Variants in TMEM42 observed in about 807,000 individuals in gnomAD.
TMEM42 encodes the protein transmembrane protein 42.
TMEM42 carries 8 observed loss-of-function variants against 14.0 expected under a neutral mutation model. The observed-to-expected ratio is 0.57, with a 90% confidence interval of 0.34 to 1.03. TMEM42 has a LOEUF of 1.03. Ranked by LOEUF, TMEM42 falls within the 50% of genes least tolerant of loss-of-function variation. TMEM42 has a pLI of 0.03. For missense variants in TMEM42, 211 were observed against 219.8 expected (o/e 0.96, Z 0.25); for synonymous variants, 115 against 94.3 (o/e 1.22, Z -1.27).
intron 1 of TMEM42, chr3:44,862,607 G>A (rs987140463): frequency 6.6e-6 from 1 of 152,434 alleles, no homozygotes; most frequent in Non-Finnish European, 1.5e-5. Flanking sequence ...CCACTACCAG[G>A]AAAATTGGGA....
intron 1 of TMEM42, chr3:44,862,678 G>A (rs1340719365): frequency 6.6e-6 from 1 of 152,026 alleles, no homozygotes; most frequent in Non-Finnish European, 1.5e-5. Flanking sequence ...TTTTCCTGAC[G>A]CTGAGAACTC....
rs776834022 is a variant in TMEM42, at chr3:44,865,129, C to G, written c.429C>G (p.Ile143Met). ...VFLILCGLTL[I>M]HRKLPPTWKP... The stretch of plus-strand genomic sequence containing the variant: ...TTATTCTCTGCGGACTCACCCTAAT[C>G]CACAGGAAGCTCCCACCCACCTGGA... Residue 143 changes from isoleucine to methionine, a missense_variant, in exon 3 of 3, where the codon ATC becomes ATG. Physicochemically the swap from Ile to Met is conservative, Grantham distance 10. Coordinates refer to ENST00000302392, the MANE Select transcript of TMEM42 (RefSeq NM_144638.3). 4 of 1,614,012 alleles carry G rather than the reference C, an allele frequency of 2.5e-6. No homozygotes were observed. The highest frequency in any genetic ancestry group is 3.4e-6 in the Non-Finnish European group (4 of 1,180,024).
chr3:44,862,138 G>GTGC (rs771557887), intron 1 of TMEM42, 22 bp downstream of exon 1: 43 of 1,197,066 alleles, frequency 3.6e-5, no homozygotes, highest in Admixed American at 2.2e-4. Context: ...GGCGCTGTTG[G>GTGC]TGCTGCTGCT....
Position 44,861,922 on chromosome 3 carries a change from A to C in TMEM42, c.-3A>C. On this transcript the variant is annotated 5_prime_UTR_variant, in exon 1 of 3. Coordinates refer to ENST00000302392, the MANE Select transcript of TMEM42 (RefSeq NM_144638.3). ...GGTGCCAGGCACGGTGTCAGCAGGC[A>C]ACATGGCCGAGAGGCCGGGGCCTCC... 6.9e-7 allele frequency: 1 copy of C among 1,454,496 alleles called. No individual in the cohort carries two copies. The allele number at this position is 1,454,496 out of a possible 1,614,324, so 90.1% of individuals were successfully genotyped here. A position where few individuals can be genotyped will look rare whatever the true frequency, so the allele number is the denominator to read the frequency against.
chr3:44,864,958 T>G, intron 2 of TMEM42, 82 bp from the exon 3 acceptor site: 1 of 1,573,764 alleles, frequency 6.4e-7, no homozygotes, highest in Admixed American at 1.7e-5. Context: ...CCTGGCACCC[T>G]TAGAAGGAAG....
Position 44,862,020 on chromosome 3 carries a change from G to T in TMEM42, c.96G>T (p.Ala32=). The T allele has an allele frequency of 7.2e-7, 1 of 1,380,292 alleles. No individual in the cohort carries two copies. Among genetic ancestry groups the T allele is most frequent in the South Asian group, 1.7e-5 (1 of 58,822 alleles). 85.5% of individuals were successfully genotyped at this position (1,380,292 alleles called of 1,614,324 possible). A position where few individuals can be genotyped will look rare whatever the true frequency, so the allele number is the denominator to read the frequency against. ...AEFPPHLQAG[A]MRRRFWGVFN... ...TCCCTCCGCACCTCCAGGCGGGTGC[G>T]ATGCGGCGCCGCTTTTGGGGCGTAT... is the stretch of plus-strand genomic sequence containing the variant. The change falls in exon 1 of 3, where the codon GCG becomes GCT. Residue 32 remains alanine, a synonymous_variant. Transcript: ENST00000302392.
At chr3:44,862,613 T>G (rs559690039) in intron 1 of TMEM42, 1 of 152,276 alleles carries the variant, frequency 6.6e-6, no homozygotes, top group Non-Finnish European at 1.5e-5. Context: ...CCAGGAAAAT[T>G]GGGAGTTTGG....
intron 1 of TMEM42, chr3:44,863,980 A>C (rs548301576): frequency 1.8e-6 from 1 of 555,976 alleles, no homozygotes; most frequent in Non-Finnish European, 3.2e-6. Context: ...TGGCCAAATG[A>C]GTATCTTCTC....
At chr3:44,863,652 C>T (rs80214268) in intron 1 of TMEM42, 238 of 153,412 alleles carry the variant, frequency 1.6e-3, no homozygotes, top group Non-Finnish European at 2.9e-3. Context: ...AATGAGAATG[C>T]TTAAACACAG....
intron 1 of TMEM42, chr3:44,862,565 A>G (rs753742602): frequency 6.6e-6 from 1 of 152,536 alleles, no homozygotes; most frequent in Non-Finnish European, 1.5e-5. Flanking sequence ...CTCCGTAATT[A>G]ACGGGTGTTG....
At chr3:44,863,310 C>CT (rs893417553) in intron 1 of TMEM42, 3 of 117,436 alleles carry the variant, frequency 2.6e-5, no homozygotes, top group African/African-American at 5.7e-5. Context: ...ACCCCCCCCC[C>CT]CCGCCGCCTT....
At chr3:44,863,534 G>A (rs1395463571) in intron 1 of TMEM42, 2 of 152,260 alleles carry the variant, frequency 1.3e-5, no homozygotes, top group Admixed American at 1.3e-4. Context: ...TAAGAGCATG[G>A]AGGTACACTG....
Position 44,862,016 on chromosome 3 carries a change from G to A in TMEM42, c.92G>A (p.Gly31Asp), listed in dbSNP as rs1699258893. ...GAATTCCCTCCGCACCTCCAGGCGG[G>A]TGCGATGCGGCGCCGCTTTTGGGGC... ...PAEFPPHLQAGAMRRRFWGVF... is the reference protein window; with the variant it reads ...PAEFPPHLQADAMRRRFWGVF... Residue 31 changes from glycine (G) to aspartate (D), a missense_variant, in exon 1 of 3, where the codon GGT (glycine) becomes GAT (aspartate). Gly to Asp is a moderately conservative substitution (Grantham distance 94). Transcript: ENST00000302392. 2.9e-6 allele frequency: 4 copies of A among 1,380,934 alleles called. No homozygotes were observed. Among genetic ancestry groups the A allele is most frequent in the Non-Finnish European group, 3.8e-6 (4 of 1,064,842 alleles). 85.5% of individuals were successfully genotyped at this position (1,380,934 alleles called of 1,614,324 possible).
rs1484423935 is a variant in TMEM42 at position 44,865,379 on chromosome 3, G to C, written c.*199G>C. 4.3e-6 allele frequency: 3 copies of C among 690,082 alleles called. No individual in the cohort carries two copies. The highest frequency in any genetic ancestry group is 3.6e-5 in the African/African-American group (2 of 55,630). 42.7% of individuals were successfully genotyped at this position (690,082 alleles called of 1,614,324 possible). A position where few individuals can be genotyped will look rare whatever the true frequency, so the allele number is the denominator to read the frequency against. ...AGCAGTGTTCTACCGGAAGTGTTTT[G>C]ATCATCTGTACAGTGCTTTGGATTC... is the stretch of plus-strand genomic sequence containing the variant. On this transcript the variant is annotated 3_prime_UTR_variant, in exon 3 of 3. Coordinates refer to ENST00000302392, the MANE Select transcript of TMEM42 (RefSeq NM_144638.3).
chr3:44,863,291 A>C (rs1699279596), intron 1 of TMEM42: 1 of 93,522 alleles, frequency 1.1e-5, no homozygotes, highest in Non-Finnish European at 2.1e-5. Flanking sequence ...AAGTATATTT[A>C]GATTCCGCAC....
intron 2 of TMEM42, 59 bp downstream of exon 2, chr3:44,864,402 T>C: frequency 6.2e-7 from 1 of 1,605,096 alleles, no homozygotes; most frequent in Admixed American, 1.7e-5. Context: ...GTGAGTTGTC[T>C]TTGGATAACC....
In TMEM42 at chr3:44,865,454, G is replaced by GGAGAA; in HGVS notation, c.*275_*276insAGAAG. ...GCCTTCGCAGATGCTGGAGATCCTG[G>GGAGAA]GGTTGGTCTGCTTTGTGTATGGTAC... On this transcript the variant is annotated 3_prime_UTR_variant, in exon 3 of 3. Coordinates refer to ENST00000302392, the MANE Select transcript of TMEM42 (RefSeq NM_144638.3). 1 of 449,148 alleles carries GGAGAA rather than the reference G, an allele frequency of 2.2e-6. No homozygotes were observed. Among genetic ancestry groups the GGAGAA allele is most frequent in the Non-Finnish European group, 4.1e-6 (1 of 246,454 alleles). 27.8% of individuals were successfully genotyped at this position (449,148 alleles called of 1,614,324 possible).
At chr3:44,863,276 G>C (rs930033621) in intron 1 of TMEM42, 1 of 121,772 alleles carries the variant, frequency 8.2e-6, no homozygotes, top group East Asian at 2.9e-4. Flanking sequence ...ACCATTACAA[G>C]TAATAAGTAT....
In TMEM42 at chr3:44,864,255, T is replaced by G; in HGVS notation, c.251T>G (p.Met84Arg). Residue 84 changes from methionine to arginine, a missense_variant, in exon 2 of 3, where the codon ATG becomes AGG. Met to Arg is a moderately conservative substitution (Grantham distance 91). Coordinates refer to ENST00000302392, the MANE Select transcript of TMEM42 (RefSeq NM_144638.3). ...IIVMASTNSL[M>R]WTFFSRGLSF... The stretch of plus-strand genomic sequence containing the variant: ...GTGATGGCGAGCACCAATTCTCTGA[T>G]GTGGACCTTCTTTAGCCGGGGCCTC... 6.2e-7 allele frequency: 1 copy of G among 1,614,250 alleles called. No individual in the cohort carries two copies. Among genetic ancestry groups the G allele is most frequent in the Non-Finnish European group, 8.5e-7 (1 of 1,180,048 alleles).
Sources: allele counts gnomAD v4.1 joint callset, GRCh38; gene constraint gnomAD v4.1.1; transcripts MANE v1.5; gene names NCBI Gene and HGNC (gene_info 2026-07-23, HGNC 2026-07-21).